Variants in BRD8 observed in about 807,000 individuals in gnomAD.
The protein encoded by BRD8 is bromodomain containing 8.
Under a neutral mutation model 143.1 loss-of-function variants are expected in BRD8, and 67 were observed. The ratio of observed to expected loss-of-function variants is 0.47; its 90% confidence interval spans 0.38 to 0.57. The LOEUF (loss-of-function observed/expected upper bound fraction) is 0.57. BRD8 is among the 20% of genes least tolerant of loss of function. The pLI, the probability that BRD8 is intolerant of heterozygous loss-of-function variation, is 0.00. For synonymous variants in BRD8, 505 were observed against 517.1 expected, an observed-to-expected ratio of 0.98 and a Z score of 0.32; for missense variants, 1,103 against 1,503.0, an observed-to-expected ratio of 0.73 and a Z score of 4.40.
rs1753377347 is a variant in BRD8, at chr5:138,165,877, T to C, written c.1229A>G (p.Glu410Gly). Residue 410 changes from glutamate (E) to glycine (G), a missense_variant, in exon 11 of 27, where the codon GAG becomes GGG. Around this residue, in one of 7 missense-constraint regions of BRD8, gnomAD observed 53 missense variants for 101.4 expected, o/e 0.52. Coordinates refer to ENST00000254900, the MANE Select transcript of BRD8 (RefSeq NM_139199.2). ...MDIAVSYTGE[E>G]LDFETVGDII... ...GTCTCCAACAGTCTCAAAATCCAGC[T>C]CTTCACCTGTGTAAGACACAGCAAT... 1.9e-6 allele frequency: 3 copies of C among 1,614,080 alleles called. No homozygotes were observed. The highest frequency in any genetic ancestry group is 8.5e-7 in the Non-Finnish European group (1 of 1,180,032).
intron 6 of BRD8, 172 bp downstream of exon 6, chr5:138,170,660 C>A: frequency 1.4e-6 from 1 of 732,732 alleles, no homozygotes; most frequent in Non-Finnish European, 2.4e-6. Flanking sequence ...CATTATATTA[C>A]CTTCTAGGAC....
intron 20 of BRD8, among the ~76,000 whole-genome samples, chr5:138,156,136 G>A (rs1243232075): frequency 2.3e-5 from 3 of 132,424 alleles, no homozygotes; most frequent in African/African-American, 7.7e-5. Flanking sequence ...CTCCCAAAGT[G>A]TTGGGCTATT....
In BRD8 at chr5:138,165,848, T is replaced by G. The variant is rs1316307421; in HGVS notation, c.1258A>C (p.Ile420Leu). 1 of 1,613,894 alleles carries G rather than the reference T, an allele frequency of 6.2e-7. No individual in the cohort carries two copies. Among genetic ancestry groups the G allele is most frequent in the Non-Finnish European group, 8.5e-7 (1 of 1,179,892 alleles). Residue 420 changes from isoleucine to leucine, a missense_variant, in exon 11 of 27, where the codon ATT (isoleucine) becomes CTT (leucine). By Grantham distance (5) the Ile-to-Leu change is conservative. This residue lies in a region of BRD8 where 53 missense variants were observed against 101.4 expected (regional missense o/e 0.52). Coordinates refer to ENST00000254900, the MANE Select transcript of BRD8 (RefSeq NM_139199.2). ...ELDFETVGDIIAIIEDKVDDH... is the reference protein window; with the variant it reads ...ELDFETVGDILAIIEDKVDDH... ...GTTACCTTGTCCTCAATGATGGCAA[T>G]GATGTCTCCAACAGTCTCAAAATCC...
chr5:138,140,817 A>G lies in BRD8; in HGVS notation c.3503T>C (p.Phe1168Ser). 6.2e-7 allele frequency: 1 copy of G among 1,614,182 alleles called. No individual in the cohort carries two copies. The stretch of plus-strand genomic sequence containing the variant: ...GAACATCAGCATCAGGTCTCGCAGG[A>G]ATTGGGCCATGGTGCGAATCCGACC... The part of the protein sequence containing the change: ...SKGRIRTMAQ[F>S]LRDLMLMFQN... Residue 1168 changes from phenylalanine (F) to serine (S), a missense_variant, in exon 26 of 27, where the codon TTC becomes TCC. By Grantham distance (155) the Phe-to-Ser change is radical. Around this residue, in one of 7 missense-constraint regions of BRD8, gnomAD observed 369 missense variants for 445.5 expected, o/e 0.83. Coordinates refer to ENST00000254900, the MANE Select transcript of BRD8 (RefSeq NM_139199.2).
intron 5 of BRD8, 22 bp from the exon 6 acceptor site, chr5:138,170,934 G>C (rs1399514951): frequency 2.0e-5 from 32 of 1,612,882 alleles, no homozygotes; most frequent in Non-Finnish European, 2.3e-5. Context: ...AAGAGAGGTA[G>C]GTAGACTGGG....
In BRD8 at chr5:138,161,093, T is replaced by C. The variant is rs748388347; in HGVS notation, c.2250-25A>G. The C allele has an allele frequency of 3.2e-6, 5 of 1,584,662 alleles. No homozygotes were observed. In the African/African-American group the frequency reaches 4.1e-5, roughly 13 times the overall value. ...CCTAAAAAAAAAGAACAGGGGTAAG[T>C]AGCAGTGGGGATGGAAAGAGGACGC... On this transcript the variant is annotated intron_variant, in intron 17 of 26. Transcript: ENST00000254900.
chr5:138,163,750 A>C lies in BRD8; in HGVS notation c.1872+337T>G, dbSNP rs183498237. On this transcript the variant is annotated intron_variant, in intron 14 of 26. Coordinates refer to ENST00000254900, the MANE Select transcript of BRD8 (RefSeq NM_139199.2). The stretch of plus-strand genomic sequence containing the variant: ...TGTTACTGCTGCTTTAATAATTCTA[A>C]AAAGAAAACTCTGGATGATTCTCTT... 9.9e-4 allele frequency: 780 copies of C among 788,192 alleles called. 11 individuals are homozygous for C. In the East Asian group the frequency reaches 0.029, roughly 29 times the overall value. The allele number at this position is 788,192 out of a possible 1,614,324, so 48.8% of individuals were successfully genotyped here.
chr5:138,173,732 A>C (rs1754077195), intron 2 of BRD8, among the ~76,000 whole-genome samples: 1 of 152,124 alleles, frequency 6.6e-6, no homozygotes, highest in South Asian at 2.1e-4. Flanking sequence ...ATGCCTGGCT[A>C]ATTTTCTTTT....
chr5:138,171,184 ATTCAT>A, intron 4 of BRD8, 24 bp from the exon 5 acceptor site: 4 of 1,590,388 alleles, frequency 2.5e-6, no homozygotes, highest in Non-Finnish European at 3.4e-6. Flanking sequence ...AAAAAAAAAA[ATTCAT>A]ATTCAAATAA....
At chr5:138,154,779 T>A (rs537980871) in intron 20 of BRD8, among the ~76,000 whole-genome samples, 3 of 152,198 alleles carry the variant, frequency 2.0e-5, no homozygotes, top group South Asian at 4.2e-4. Flanking sequence ...TAAAGTGATA[T>A]TCATCTAATA....
intron 6 of BRD8, 180 bp downstream of exon 6, chr5:138,170,652 T>C (rs760762478): frequency 8.5e-5 from 63 of 745,044 alleles, no homozygotes; most frequent in Non-Finnish European, 1.2e-4. Context: ...AAATGTCCCA[T>C]TATATTACCT....
intron 9 of BRD8, among the ~76,000 whole-genome samples, chr5:138,167,170 A>G (rs1285622550): frequency 6.8e-6 from 1 of 147,522 alleles, no homozygotes. Context: ...CAGGAGGCTG[A>G]GGCAGGAGAA....
chr5:138,177,691 A>AAG, intron 1 of BRD8, 24 bp from the exon 2 acceptor site: 1 of 1,484,400 alleles, frequency 6.7e-7, no homozygotes, highest in Non-Finnish European at 9.3e-7. Flanking sequence ...AAAAAAAAAA[A>AAG]AGCCTTGGAA....
intron 25 of BRD8, among the ~76,000 whole-genome samples, chr5:138,143,392 T>C (rs1439901995): frequency 2.0e-5 from 3 of 151,858 alleles, no homozygotes; most frequent in African/African-American, 7.3e-5. Context: ...AGTGGGAAGA[T>C]TGCTTGAGCC....
At chr5:138,152,865 T>A in intron 20 of BRD8, 105 bp from the exon 21 acceptor site, 1 of 1,211,286 alleles carries the variant, frequency 8.3e-7, no homozygotes, top group Non-Finnish European at 1.1e-6. Context: ...AGAAATTTAT[T>A]TGTATTCAAG....
chr5:138,159,151 T>TA (rs1427287435), intron 20 of BRD8, among the ~76,000 whole-genome samples: 11 of 152,146 alleles, frequency 7.2e-5, no homozygotes, highest in Non-Finnish European at 1.6e-4. Flanking sequence ...AACTTAATTT[T>TA]AGGAGACAAG....
intron 20 of BRD8, among the ~76,000 whole-genome samples, chr5:138,155,286 A>C (rs1026840801): frequency 4.6e-5 from 7 of 151,528 alleles, no homozygotes; most frequent in African/African-American, 1.7e-4. Context: ...ACCTCTACTA[A>C]AGAAACCACA....
chr5:138,141,679 ACTTCT>A (rs1751915550), intron 25 of BRD8, among the ~76,000 whole-genome samples: 1 of 152,222 alleles, frequency 6.6e-6, no homozygotes, highest in Non-Finnish European at 1.5e-5. Context: ...TATTTCATCT[ACTTCT>A]CTTACTGCAC....
At chr5:138,149,591 T>TG in intron 23 of BRD8, 49 bp downstream of exon 23, 5 of 1,466,438 alleles carry the variant, frequency 3.4e-6, no homozygotes, top group Non-Finnish European at 4.5e-6. Flanking sequence ...CAAATAGGCA[T>TG]AAACAGAAGT....
Sources: allele counts gnomAD v4.1 joint callset (sites outside exome capture counted in the v4.1 genomes callset), GRCh38; gene constraint gnomAD v4.1.1; regional missense constraint gnomAD v4.1.1; transcripts MANE v1.5; gene names NCBI Gene and HGNC (gene_info 2026-07-23, HGNC 2026-07-21).